The following CNIH3 variants were observed in gnomAD, a reference collection of about 807,000 sequenced individuals.
CNIH3 encodes cornichon family AMPA receptor auxiliary protein 3.
A neutral mutation model predicts 24.1 loss-of-function variants in CNIH3; 14 were observed. The ratio of observed to expected loss-of-function variants is 0.58; its 90% CI spans 0.38 to 0.91. The LOEUF is 0.91. Ranked by LOEUF, CNIH3 falls within the 40% of genes least tolerant of loss-of-function variation. CNIH3 has a pLI of 0.00. For synonymous variants in CNIH3, 68 were observed against 73.8 expected (o/e 0.92, Z 0.40); for missense variants, 178 against 196.8 (o/e 0.90, Z 0.57).
intron 3 of CNIH3, among the ~76,000 whole-genome samples, chr1:224,694,412 TGTTCCTCAC>T (rs1254369726): frequency 6.6e-6 from 1 of 152,220 alleles, no homozygotes; most frequent in African/African-American, 2.4e-5. Flanking sequence ...TAAACCTGGC[TGTTCCTCAC>T]GTTGAATCTG....
intron 4 of CNIH3, among the ~76,000 whole-genome samples, chr1:224,579,589 C>G (rs868633999): frequency 6.6e-6 from 1 of 152,292 alleles, no homozygotes. Flanking sequence ...CTGCAAACCT[C>G]ATGCTGAAAT....
intron 1 of CNIH3, among the ~76,000 whole-genome samples, chr1:224,450,477 G>T (rs1157806094): frequency 1.3e-4 from 20 of 152,150 alleles, no homozygotes; most frequent in Admixed American, 1.3e-3. Context: ...GTGAAGATCA[G>T]GGTAAAGAGC....
intron 1 of CNIH3, among the ~76,000 whole-genome samples, chr1:224,638,810 CATCACCT>C (rs1333358927): frequency 6.6e-6 from 1 of 152,234 alleles, no homozygotes; most frequent in Admixed American, 6.5e-5. Context: ...AAATGAAGTT[CATCACCT>C]TGTCAATACT....
Position 224,525,596 on chromosome 1 carries a change from A to G in CNIH3, n.343+4269A>G, listed in dbSNP as rs142302242. 1.9e-3 allele frequency among the ~76,000 whole-genome samples: 285 copies of G among 152,230 alleles called. 1 individual carries two copies. Among genetic ancestry groups the G allele is most frequent in the African/African-American group, 6.4e-3 (266 of 41,538 alleles). ...CGCACATGTAACAGCAGTGTGTTCTACCCAGGAAATGGGGGGTGGAGGCAG... is the reference window on the plus strand; with the variant it reads ...CGCACATGTAACAGCAGTGTGTTCTGCCCAGGAAATGGGGGGTGGAGGCAG... On this transcript the variant is annotated intron_variant and non_coding_transcript_variant, in intron 2 of 2. Coordinates refer to the CNIH3 transcript ENST00000470602.
intron 3 of CNIH3, among the ~76,000 whole-genome samples, chr1:224,689,969 CAGAGG>C (rs1313088039): frequency 6.6e-6 from 1 of 152,044 alleles, no homozygotes; most frequent in Non-Finnish European, 1.5e-5. Context: ...TCCTGGAAGG[CAGAGG>C]TTGGTGTGAC....
chr1:224,727,071 TGCCTG>T (rs1689068484), intron 3 of CNIH3, among the ~76,000 whole-genome samples: 1 of 152,196 alleles, frequency 6.6e-6, no homozygotes, highest in African/African-American at 2.4e-5. Flanking sequence ...GCATTATGCC[TGCCTG>T]GTGGTTATTC....
Position 224,535,057 on chromosome 1 carries a change from T to C in CNIH3, n.344-1879T>C, listed in dbSNP as rs147273867. 8.1e-3 allele frequency among the ~76,000 whole-genome samples: 1,237 copies of C among 152,246 alleles called. 15 individuals are homozygous for C. Among genetic ancestry groups the C allele is most frequent in the African/African-American group, 0.025 (1,022 of 41,552 alleles). On this transcript the variant is annotated intron_variant and non_coding_transcript_variant, in intron 2 of 2. Transcript: ENST00000470602. ...ATTGTGTCTGCCCCCAAAAAAGATA[T>C]GTTGAAGTCCTAACCCCCAGCAACT...
At chr1:224,618,786 C>T (rs761902769) in intron 1 of CNIH3, among the ~76,000 whole-genome samples, 3 of 152,150 alleles carry the variant, frequency 2.0e-5, no homozygotes, top group Non-Finnish European at 4.4e-5. Context: ...AAAACAATTC[C>T]GCTATTTAGA....
intron 3 of CNIH3, among the ~76,000 whole-genome samples, chr1:224,716,235 A>C (rs952285571): frequency 3.3e-5 from 5 of 152,184 alleles, no homozygotes; most frequent in Admixed American, 1.3e-4. Context: ...TTCAGCTTTG[A>C]TTATTATTCT....
chr1:224,541,233 G>C (rs1679499850), downstream of CNIH3, among the ~76,000 whole-genome samples: 1 of 152,184 alleles, frequency 6.6e-6, no homozygotes, highest in Admixed American at 6.6e-5. Context: ...TACCGTGGTG[G>C]AGATTCCGAA....
intron 1 of CNIH3, among the ~76,000 whole-genome samples, chr1:224,477,902 C>G (rs1400807695): frequency 6.6e-6 from 1 of 152,072 alleles, no homozygotes; most frequent in African/African-American, 2.4e-5. Flanking sequence ...CTTTATTTCT[C>G]CTTTATGTTT....
intron 2 of CNIH3, among the ~76,000 whole-genome samples, chr1:224,682,921 A>C (rs564102405): frequency 1.3e-5 from 2 of 152,350 alleles, no homozygotes; most frequent in African/African-American, 4.8e-5. Context: ...TCTATCATGC[A>C]AATTCCATGC....
intron 3 of CNIH3, among the ~76,000 whole-genome samples, chr1:224,556,954 A>C (rs1680164046): frequency 6.6e-6 from 1 of 152,178 alleles, no homozygotes; most frequent in Admixed American, 6.5e-5. Flanking sequence ...CTGGACTACA[A>C]GGAGCACATT....
intron 1 of CNIH3, among the ~76,000 whole-genome samples, chr1:224,623,932 C>T (rs1683399811): frequency 1.3e-5 from 2 of 152,198 alleles, no homozygotes; most frequent in Admixed American, 1.3e-4. Flanking sequence ...TGCTGCTCAA[C>T]CTCTCTTCCC....
chr1:224,527,854 ATATATGTGTATGCATATACATATATC>A (rs1380395762), intron 2 of CNIH3, among the ~76,000 whole-genome samples: 1 of 152,226 alleles, frequency 6.6e-6, no homozygotes, highest in African/African-American at 2.4e-5. Context: ...TATCAAAATT[ATATATGTGTATGCATATACATATATC>A]TATATCTATA....
At chr1:224,618,052 G>C (rs538683805) in intron 1 of CNIH3, among the ~76,000 whole-genome samples, 2 of 152,212 alleles carry the variant, frequency 1.3e-5, no homozygotes, top group Non-Finnish European at 2.9e-5. Context: ...GAGGGCAGCC[G>C]TGGATCCCAG....
chr1:224,435,278 C>T, intron 1 of CNIH3: 1 of 930,354 alleles, frequency 1.1e-6, no homozygotes. Context: ...TAACCAGGAC[C>T]GAAATCGGGT....
intron 1 of CNIH3, among the ~76,000 whole-genome samples, chr1:224,670,518 G>A (rs1685811987): frequency 6.6e-6 from 1 of 152,200 alleles, no homozygotes; most frequent in South Asian, 2.1e-4. Context: ...CACTGCTCTT[G>A]AGACAATGAT....
At chr1:224,574,409 TG>T (rs1680947173) in intron 4 of CNIH3, 1 of 528,402 alleles carries the variant, frequency 1.9e-6, no homozygotes, top group Non-Finnish European at 3.4e-6. Context: ...TGGTTCTGGG[TG>T]GGGGTCTGGA....
Sources: gnomAD v4.1 joint callset for allele counts (sites outside exome capture counted in the v4.1 genomes callset) on GRCh38, gnomAD v4.1.1 for gene constraint, MANE v1.5 for transcripts, NCBI Gene and HGNC (gene_info 2026-07-23, HGNC 2026-07-21) for gene names.